The following LRRK2 variants were observed in gnomAD, a reference collection of about 807,000 sequenced individuals.
LRRK2 encodes leucine rich repeat kinase 2, also known as leucine-rich repeat serine/threonine-protein kinase 2.
Under a neutral mutation model 302.6 loss-of-function variants are expected in LRRK2, and 203 were observed. The ratio of observed to expected loss-of-function variants is 0.67; its 90% CI spans 0.60 to 0.75. The LOEUF (loss-of-function observed/expected upper bound fraction) is 0.75. Ranked by LOEUF, LRRK2 falls within the 30% of genes least tolerant of loss-of-function variation. LRRK2 has a pLI of 0.00. For synonymous variants in LRRK2, 1,066 were observed against 1,031.9 expected, an observed-to-expected ratio of 1.03 and a Z score of -0.63; for missense variants, 2,830 against 2,951.0, an observed-to-expected ratio of 0.96 and a Z score of 0.95.
intron 41 of LRRK2, among the ~76,000 whole-genome samples, chr12:40,345,902 T>C (rs1221195073): frequency 6.6e-6 from 1 of 152,174 alleles, no homozygotes; most frequent in African/African-American, 2.4e-5. Flanking sequence ...TTTCCACATA[T>C]TTGATAACTT....
At chr12:40,308,887 C>T (rs533569066) in intron 29 of LRRK2, among the ~76,000 whole-genome samples, 191 bp downstream of exon 29, 1 of 152,256 alleles carries the variant, frequency 6.6e-6, no homozygotes, top group South Asian at 2.1e-4. Context: ...ATGTTAGGAA[C>T]AATTTGGTGC....
chr12:40,300,294 A>G (rs1171377907), intron 25 of LRRK2, among the ~76,000 whole-genome samples: 1 of 152,192 alleles, frequency 6.6e-6, no homozygotes, highest in Non-Finnish European at 1.5e-5. Flanking sequence ...CTCTTAGCAT[A>G]TGAAATAATA....
chr12:40,249,890 G>T lies in LRRK2; in HGVS notation c.903G>T (p.Gln301His). The T allele has an allele frequency of 1.2e-6, 2 of 1,613,896 alleles. No individual in the cohort carries two copies. Among genetic ancestry groups the T allele is most frequent in the Non-Finnish European group, 1.7e-6 (2 of 1,179,840 alleles). ...VHEFVVKAVQ[Q>H]YPENAALQIS... ...AGTTTGTGGTGAAAGCTGTGCAGCA[G>T]TACCCAGAGAATGCAGCATTGCAGA... The change falls in exon 8 of 51, where the codon CAG becomes CAT. Residue 301 changes from glutamine (Q) to histidine (H), a missense_variant. By Grantham distance (24) the Gln-to-His change is conservative (BLOSUM62 0). Around this residue, in one of 3 missense-constraint regions of LRRK2, gnomAD observed 2,121 missense variants for 2,148.0 expected, o/e 0.99. Transcript: ENST00000298910.
chr12:40,306,082 G>T (rs956461448), intron 28 of LRRK2, 116 bp downstream of exon 28: 3 of 760,456 alleles, frequency 3.9e-6, no homozygotes, highest in East Asian at 2.7e-5. Flanking sequence ...GTAATATTTG[G>T]CATTAATATG....
chr12:40,254,032 T>A (rs1942395309), intron 11 of LRRK2, among the ~76,000 whole-genome samples: 1 of 152,218 alleles, frequency 6.6e-6, no homozygotes. Flanking sequence ...ATGGCTTGTA[T>A]CCCTTTAGAA....
At position 40,238,028 on chromosome 12, in the gene LRRK2, G is replaced by A; in HGVS notation, c.496G>A (p.Ala166Thr). ...ESDIFMLIFD[A>T]MHSFPANDEV... ...TGATATTTTCATGTTAATTTTTGAT[G>A]CCATGCACTCATTTCCAGCCAATGA... The change falls in exon 5 of 51, where the codon GCC becomes ACC. Residue 166 changes from alanine (A) to threonine (T), a missense_variant. Ala to Thr is a moderately conservative substitution (Grantham distance 58). This residue lies in a region of LRRK2 where 2,121 missense variants were observed against 2,148.0 expected (regional missense o/e 0.99). Transcript: ENST00000298910. The A allele has an allele frequency of 6.2e-7, 1 of 1,613,480 alleles. No individual in the cohort carries two copies. The highest frequency in any genetic ancestry group is 8.5e-7 in the Non-Finnish European group (1 of 1,179,618).
At chr12:40,228,849 C>T (rs1941035947) in intron 2 of LRRK2, among the ~76,000 whole-genome samples, 1 of 152,134 alleles carries the variant, frequency 6.6e-6, no homozygotes, top group Admixed American at 6.6e-5. Context: ...ATCTCACTGC[C>T]CTCCTGGAAA....
rs77018758 is a variant in LRRK2 at position 40,308,467 on chromosome 12, G to T, written c.3960G>T (p.Arg1320Ser). 634 of 1,611,372 alleles carry T rather than the reference G, an allele frequency of 3.9e-4. 12 individuals are homozygous for T. The East Asian group carries it at 0.014, about 36-fold the overall frequency. ...HIGCKAKDII[R>S]FLQQRLKKAV... ...TTTATTTTTATCTTTCAAATACTAG[G>T]TTTCTTCAACAGCGATTAAAAAAGG... is the stretch of plus-strand genomic sequence containing the variant. Residue 1320 changes from arginine (R) to serine (S), a missense_variant and splice_region_variant, in exon 29 of 51, where the codon AGG (arginine) becomes AGT (serine). Arg to Ser is a moderately radical substitution (Grantham distance 110, BLOSUM62 -1). This residue lies in a region of LRRK2 where 2,121 missense variants were observed against 2,148.0 expected (regional missense o/e 0.99). Coordinates refer to ENST00000298910, the MANE Select transcript of LRRK2 (RefSeq NM_198578.4).
chr12:40,281,314 T>A (rs1449195024), intron 18 of LRRK2, among the ~76,000 whole-genome samples: 1 of 152,204 alleles, frequency 6.6e-6, no homozygotes, highest in Admixed American at 6.5e-5. Context: ...AAGCTCCTGG[T>A]AACAGTGTGA....
intron 4 of LRRK2, among the ~76,000 whole-genome samples, chr12:40,236,387 C>G (rs149349059): frequency 6.6e-6 from 1 of 152,156 alleles, no homozygotes; most frequent in African/African-American, 2.4e-5. Flanking sequence ...GAAACAGGGT[C>G]TGATTCTCCA....
intron 34 of LRRK2, among the ~76,000 whole-genome samples, chr12:40,320,457 G>A (rs898872793): frequency 6.6e-5 from 10 of 152,156 alleles, no homozygotes; most frequent in African/African-American, 2.4e-4. Flanking sequence ...TAATGTGTGT[G>A]TGTGTCTGTG....
Position 40,359,365 on chromosome 12 carries a change from G to A in LRRK2, c.6949G>A (p.Gly2317Arg). The A allele has an allele frequency of 6.2e-7, 1 of 1,613,250 alleles. No individual in the cohort carries two copies. The change falls in exon 47 of 51, where the codon GGA becomes AGA. Residue 2317 changes from glycine (G) to arginine (R), a missense_variant. This residue lies in a region of LRRK2 where 456 missense variants were observed against 456.3 expected (regional missense o/e 1.00). Coordinates refer to ENST00000298910, the MANE Select transcript of LRRK2 (RefSeq NM_198578.4). ...TTCAACGGAAAGAAATGTAATGTGG[G>A]GAGGATGTGGCACAAAGATTTTCTC... ...TNSTERNVMW[G>R]GCGTKIFSFS...
In LRRK2 at chr12:40,225,665, C is replaced by T. The variant is rs200809461; in HGVS notation, c.237+25C>T. The T allele has an allele frequency of 3.4e-5, 54 of 1,573,262 alleles. No individual in the cohort carries two copies. The East Asian group carries it at 1.2e-3, about 34-fold the overall frequency. ...GGTAAAGGCATTGTTTTCACTTCAACTCATTCTCCCTTCTGTTTGGAAGGA... is the reference window on the plus strand; with the variant it reads ...GGTAAAGGCATTGTTTTCACTTCAATTCATTCTCCCTTCTGTTTGGAAGGA... On this transcript the variant is annotated intron_variant, in intron 2 of 50. Coordinates refer to ENST00000298910, the MANE Select transcript of LRRK2 (RefSeq NM_198578.4).
chr12:40,308,567 T>C lies in LRRK2; in HGVS notation c.4060T>C (p.Leu1354=), dbSNP rs1219605029. The C allele has an allele frequency of 6.2e-7, 1 of 1,613,916 alleles. No individual in the cohort carries two copies. Among genetic ancestry groups the C allele is most frequent in the African/African-American group, 1.3e-5 (1 of 74,928 alleles). The change falls in exon 29 of 51, where the codon TTA becomes CTA. Residue 1354 remains leucine, a synonymous_variant. Coordinates refer to ENST00000298910, the MANE Select transcript of LRRK2 (RefSeq NM_198578.4). ...GSGKTTLLQQ[L]MKTKKSDLGM... The stretch of plus-strand genomic sequence containing the variant: ...TGGTAAAACCACCTTATTGCAGCAA[T>C]TAATGAAAACCAAGAAATCAGATCT...
chr12:40,232,321 A>C lies in LRRK2; in HGVS notation c.285A>C (p.Thr95=), dbSNP rs1295890697. 1.9e-6 allele frequency: 3 copies of C among 1,614,048 alleles called. No homozygotes were observed. Among genetic ancestry groups the C allele is most frequent in the Non-Finnish European group, 2.5e-6 (3 of 1,180,016 alleles). The change falls in exon 3 of 51, where the codon ACA becomes ACC. Residue 95 remains threonine (T), a synonymous_variant. Coordinates refer to ENST00000298910, the MANE Select transcript of LRRK2 (RefSeq NM_198578.4). ...AATTAATAGAAGTCTGTCCAGGTACAATGCAAAGCTTAATGGGACCCCAGG... is the reference window on the plus strand; with the variant it reads ...AATTAATAGAAGTCTGTCCAGGTACCATGCAAAGCTTAATGGGACCCCAGG... ...LCKLIEVCPG[T]MQSLMGPQDV...
rs1943384472 is a variant in LRRK2 at position 40,274,921 on chromosome 12, T to G, written c.1869T>G (p.Thr623=). 6.2e-7 allele frequency: 1 copy of G among 1,613,770 alleles called. No homozygotes were observed. The highest frequency in any genetic ancestry group is 8.5e-7 in the Non-Finnish European group (1 of 1,179,814). The part of the protein sequence containing the change: ...LITKKNVFIG[T]GHLLAKILVS... ...CAAAGAAGAATGTGTTCATAGGAAC[T>G]GGACATCTGCTGGCAAAAATTCTGG... The change falls in exon 16 of 51, where the codon ACT becomes ACG. Residue 623 remains threonine, a synonymous_variant. Transcript: ENST00000298910.
intron 12 of LRRK2, 95 bp downstream of exon 12, chr12:40,257,472 G>C (rs1241856830): frequency 2.6e-5 from 38 of 1,458,958 alleles, no homozygotes; most frequent in Non-Finnish European, 3.6e-5. Context: ...AAAAGAAAAA[G>C]AAAAACATAA....
intron 18 of LRRK2, among the ~76,000 whole-genome samples, chr12:40,282,796 G>A (rs957017407): frequency 3.3e-5 from 5 of 152,074 alleles, no homozygotes; most frequent in Non-Finnish European, 7.4e-5. Flanking sequence ...TTTAATTCTA[G>A]AAAATTCAAA....
In LRRK2 at chr12:40,298,798, T is replaced by TATATATATATATAA. The variant is rs57355300; in HGVS notation, c.3347+306_3347+307insTATATATATATAAA. ...AAAGAAATATATATATATATATATA[T>TATATATATATATAA]AATATATGTATTATAATATATAATA... On this transcript the variant is annotated intron_variant, in intron 24 of 50. Coordinates refer to ENST00000298910, the MANE Select transcript of LRRK2 (RefSeq NM_198578.4). Among the ~76,000 whole-genome samples, 5 of 94,266 alleles carry TATATATATATATAA rather than the reference T, an allele frequency of 5.3e-5. 1 individual carries two copies. The highest frequency in any genetic ancestry group is 2.1e-4 in the African/African-American group (5 of 23,788). The allele number at this position is 94,266 out of a possible 152,430, so 61.8% of individuals were successfully genotyped here.
Sources: allele counts gnomAD v4.1 joint callset (sites outside exome capture counted in the v4.1 genomes callset), GRCh38; gene constraint gnomAD v4.1.1; regional missense constraint gnomAD v4.1.1; transcripts MANE v1.5; gene names NCBI Gene and HGNC (gene_info 2026-07-23, HGNC 2026-07-21).